KRT38: variants seen among roughly 807,000 people sequenced by gnomAD.
KRT38 encodes the protein keratin, type I cuticular Ha8.
KRT38 carries 45 observed loss-of-function variants against 43.1 expected under a neutral mutation model. The ratio of observed to expected loss-of-function variants is 1.04; its 90% confidence interval spans 0.82 to 1.34. The LOEUF is 1.34. Among genes scored for constraint, KRT38 ranks in the 40% most tolerant of loss-of-function variants. The pLI is 0.00. For synonymous variants in KRT38, 258 were observed against 244.0 expected (o/e 1.06, Z -0.53); for missense variants, 627 against 586.2 (o/e 1.07, Z -0.72).
chr17:41,438,264 G>T lies in KRT38; in HGVS notation c.1070C>A (p.Thr357Lys). 6.2e-7 allele frequency: 1 copy of T among 1,614,120 alleles called. No homozygotes were observed. The highest frequency in any genetic ancestry group is 8.5e-7 in the Non-Finnish European group (1 of 1,180,022). The change falls in exon 6 of 7, where the codon ACG becomes AAG. Residue 357 changes from threonine (T) to lysine (K), a missense_variant. Coordinates refer to ENST00000246646, the MANE Select transcript of KRT38 (RefSeq NM_006771.4). ...GAGGCTCTGCATCTGGGCCAGCTCC[G>T]TGCCGAAGCGGTCCTCGGCTTCACA... Reference protein sequence around the residue: ...SLCEAEDRFGTELAQMQSLIS... With the variant: ...SLCEAEDRFGKELAQMQSLIS...
In KRT38 at chr17:41,439,314, C is replaced by G; in HGVS notation, c.621G>C (p.Lys207Asn). The change falls in exon 3 of 7, where the codon AAG becomes AAC. Residue 207 changes from lysine (K) to asparagine (N), a missense_variant. Coordinates refer to ENST00000246646, the MANE Select transcript of KRT38 (RefSeq NM_006771.4). Reference protein sequence around the residue: ...RSLRQLVEADKCGTQKLLDDA... With the variant: ...RSLRQLVEADNCGTQKLLDDA... ...CATCCAGGAGCTTCTGTGTCCCACA[C>G]TTGTCTGCCTCCACCAGCTGGCGCA... is the stretch of plus-strand genomic sequence containing the variant. 6.2e-7 allele frequency: 1 copy of G among 1,614,216 alleles called. No homozygotes were observed. The highest frequency in any genetic ancestry group is 8.5e-7 in the Non-Finnish European group (1 of 1,180,040).
In KRT38 at chr17:41,438,157, C is replaced by A. The variant is rs564375775; in HGVS notation, c.1177G>T (p.Val393Leu). 3.1e-6 allele frequency: 5 copies of A among 1,614,046 alleles called. No individual in the cohort carries two copies. Among genetic ancestry groups the A allele is most frequent in the Non-Finnish European group, 4.2e-6 (5 of 1,180,040 alleles). ...ATCTCATTCTCCAGCCGGGTCTTCA[C>A]GTCCAGCAGCACCTGGTACTCCTGG... is the stretch of plus-strand genomic sequence containing the variant. ...QNQEYQVLLD[V>L]KTRLENEIAT... Residue 393 changes from valine (V) to leucine (L), a missense_variant, in exon 6 of 7, where the codon GTG becomes TTG. Physicochemically the swap from Val to Leu is conservative, Grantham distance 32. Transcript: ENST00000246646.
In KRT38 at chr17:41,440,927, T is replaced by C; in HGVS notation, c.-6A>G. On this transcript the variant is annotated 5_prime_UTR_variant, in exon 1 of 7. Transcript: ENST00000246646. ...CTGCTGTAGGAAGAGGTCATGGTGT[T>C]GGGCTGAGGCTGCACAGGAGCTTCA... The C allele has an allele frequency of 2.0e-6, 3 of 1,525,890 alleles. No homozygotes were observed. Among genetic ancestry groups the C allele is most frequent in the Non-Finnish European group, 2.6e-6 (3 of 1,139,530 alleles). The allele number at this position is 1,525,890 out of a possible 1,614,324, so 94.5% of individuals were successfully genotyped here.
chr17:41,437,553 C>A lies in KRT38; in HGVS notation c.1242-12G>T. ...GATTGCAGGGGAGTCTGCAGAGAGA[C>A]AAGGTGAGGGAAGTGAGAGGCAAGA... On this transcript the variant is annotated splice_polypyrimidine_tract_variant and intron_variant, in intron 6 of 6. Coordinates refer to ENST00000246646, the MANE Select transcript of KRT38 (RefSeq NM_006771.4). 1 of 1,557,718 alleles carries A rather than the reference C, an allele frequency of 6.4e-7. No homozygotes were observed. Among genetic ancestry groups the A allele is most frequent in the Non-Finnish European group, 8.6e-7 (1 of 1,160,088 alleles).
rs184262664 is a variant in KRT38 at position 41,437,604 on chromosome 17, G to T, written c.1242-63C>A. 2.8e-4 allele frequency: 416 copies of T among 1,500,484 alleles called. 5 individuals carry two copies. The East Asian group carries it at 0.01, about 38-fold the overall frequency. 92.9% of individuals were successfully genotyped at this position (1,500,484 alleles called of 1,614,324 possible). A position where few individuals can be genotyped will look rare whatever the true frequency, so the allele number is the denominator to read the frequency against. On this transcript the variant is annotated intron_variant, in intron 6 of 6. Coordinates refer to ENST00000246646, the MANE Select transcript of KRT38 (RefSeq NM_006771.4). Reference sequence around the variant, plus strand: ...AATGAATGGGGTCTCAGTGCCATGTGGGGGCATGAGGAAGGAGTCCCCACT... The same window carrying T: ...AATGAATGGGGTCTCAGTGCCATGTTGGGGCATGAGGAAGGAGTCCCCACT...
chr17:41,438,316 G>A lies in KRT38; in HGVS notation c.1021-3C>T, dbSNP rs374847106. The A allele has an allele frequency of 1.7e-5, 28 of 1,613,298 alleles. No homozygotes were observed. Among genetic ancestry groups the A allele is most frequent in the Middle Eastern group, 3.3e-4 (2 of 6,082 alleles). On this transcript the variant is annotated splice_polypyrimidine_tract_variant and splice_region_variant and intron_variant, in intron 5 of 6. Transcript: ENST00000246646. ...AGGGAGTTCTGCAGACAGTCCTTCT[G>A]TAGTGGGAAATAAGGGGATAAAATA...
intron 6 of KRT38, among the ~76,000 whole-genome samples, chr17:41,437,745 C>T (rs573929481): frequency 6.6e-6 from 1 of 152,238 alleles, no homozygotes; most frequent in East Asian, 1.9e-4. Context: ...TTAAAGTTAT[C>T]CTATAGAATA....
At chr17:41,439,927 C>T (rs546738232) in intron 2 of KRT38, among the ~76,000 whole-genome samples, 2 of 152,214 alleles carry the variant, frequency 1.3e-5, no homozygotes, top group African/African-American at 2.4e-5. Flanking sequence ...TTAATGAACT[C>T]AGGCTGCCTT....
In KRT38 at chr17:41,440,761, C is replaced by G; in HGVS notation, c.161G>C (p.Arg54Pro). 1 of 1,613,512 alleles carries G rather than the reference C, an allele frequency of 6.2e-7. No individual in the cohort carries two copies. Among genetic ancestry groups the G allele is most frequent in the Non-Finnish European group, 8.5e-7 (1 of 1,179,626 alleles). ...CAGGGGAGTGGACCCCACACGGACTCGGTTGGCATGTGCCACGTTGGCCAA... is the reference window on the plus strand; with the variant it reads ...CAGGGGAGTGGACCCCACACGGACTGGGTTGGCATGTGCCACGTTGGCCAA... ...CLLANVAHAN[R>P]VRVGSTPLGR... Residue 54 changes from arginine (R) to proline (P), a missense_variant, in exon 1 of 7, where the codon CGA (arginine) becomes CCA (proline). By Grantham distance (103) the Arg-to-Pro change is moderately radical. Coordinates refer to ENST00000246646, the MANE Select transcript of KRT38 (RefSeq NM_006771.4).
chr17:41,437,991 C>T, intron 6 of KRT38, 102 bp downstream of exon 6: 6 of 1,147,626 alleles, frequency 5.2e-6, no homozygotes, highest in Non-Finnish European at 7.6e-6. Flanking sequence ...AAGGAGTGCA[C>T]AGAGAGCCTC....
In KRT38 at chr17:41,440,827, C is replaced by A; in HGVS notation, c.95G>T (p.Cys32Phe). The change falls in exon 1 of 7, where the codon TGC (cysteine) becomes TTC (phenylalanine). Residue 32 changes from cysteine to phenylalanine, a missense_variant. Physicochemically the swap from Cys to Phe is radical, Grantham distance 205. Transcript: ENST00000246646. ...NVSVSPIDIGCQPGAEANIAP... is the reference protein window; with the variant it reads ...NVSVSPIDIGFQPGAEANIAP... ...AATGTTGGCCTCTGCCCCAGGCTGG[C>A]ACCCAATGTCGATGGGAGAGACAGA... 3 of 1,606,762 alleles carry A rather than the reference C, an allele frequency of 1.9e-6. No individual in the cohort carries two copies. Among genetic ancestry groups the A allele is most frequent in the Non-Finnish European group, 2.6e-6 (3 of 1,176,448 alleles).
At chr17:41,438,034 G>T in intron 6 of KRT38, 59 bp downstream of exon 6, 2 of 1,545,384 alleles carry the variant, frequency 1.3e-6, no homozygotes, top group Non-Finnish European at 1.8e-6. Flanking sequence ...CTGCTGCCCT[G>T]AGGACCTCAT....
Position 41,438,631 on chromosome 17 carries a change from G to A in KRT38, c.895-15C>T, listed in dbSNP as rs573817314. 166 of 1,613,600 alleles carry A rather than the reference G, an allele frequency of 1.0e-4. No homozygotes were observed. The African/African-American group carries it at 2.0e-3, about 19-fold the overall frequency. ...ATGCCTTCAGACTGGAGCACAGAGA[G>A]ACACGGTCACCTCCCTGCCCAGATG... On this transcript the variant is annotated splice_polypyrimidine_tract_variant and intron_variant, in intron 4 of 6. Coordinates refer to ENST00000246646, the MANE Select transcript of KRT38 (RefSeq NM_006771.4).
intron 6 of KRT38, 142 bp downstream of exon 6, chr17:41,437,951 G>C (rs1373591715): frequency 1.3e-6 from 1 of 759,572 alleles, no homozygotes; most frequent in Non-Finnish European, 2.2e-6. Flanking sequence ...ACCACATGGA[G>C]TGTGCAGGAC....
intron 2 of KRT38, among the ~76,000 whole-genome samples, chr17:41,439,763 C>T (rs549712305): frequency 2.6e-5 from 4 of 152,276 alleles, no homozygotes; most frequent in African/African-American, 4.8e-5. Flanking sequence ...TCCCCTCTCT[C>T]ATTTTTGCCT....
At position 41,437,531 on chromosome 17, in the gene KRT38, T is replaced by G; in HGVS notation, c.1252A>C (p.Asn418His). The change falls in exon 7 of 7, where the codon AAT (asparagine) becomes CAT (histidine). Residue 418 changes from asparagine (N) to histidine (H), a missense_variant. Physicochemically the swap from Asn to His is moderately conservative, Grantham distance 68. Transcript: ENST00000246646. ...CAGGAGGGAGACGTGGAGCACGGAT[T>G]GCAGGGGAGTCTGCAGAGAGACAAG... ...LESEDCKLPC[N>H]PCSTSPSCVT... 3.8e-6 allele frequency: 6 copies of G among 1,563,722 alleles called. No homozygotes were observed. The highest frequency in any genetic ancestry group is 5.2e-6 in the Non-Finnish European group (6 of 1,162,440).
rs200202096 is a variant in KRT38, at chr17:41,438,080, A to G, written c.1241+13T>C. Reference sequence around the variant, plus strand: ...TAAATAATTTGGCCAGGAATTGCCCAGATCACACGTACTTGCAGTCCTCGC... The same window carrying G: ...TAAATAATTTGGCCAGGAATTGCCCGGATCACACGTACTTGCAGTCCTCGC... On this transcript the variant is annotated intron_variant, in intron 6 of 6. Coordinates refer to ENST00000246646, the MANE Select transcript of KRT38 (RefSeq NM_006771.4). The G allele has an allele frequency of 2.3e-5, 37 of 1,613,278 alleles. No homozygotes were observed. The highest frequency in any genetic ancestry group is 3.3e-4 in the Middle Eastern group (2 of 5,992).
At chr17:41,439,181 G>T (rs1449938496) in intron 3 of KRT38, 22 bp downstream of exon 3, 3 of 1,610,028 alleles carry the variant, frequency 1.9e-6, no homozygotes, top group Admixed American at 3.4e-5. Flanking sequence ...CTCCCCAGGA[G>T]TTTGAGCGCC....
At chr17:41,440,058 T>C in intron 2 of KRT38, 103 bp downstream of exon 2, 1 of 965,870 alleles carries the variant, frequency 1.0e-6, no homozygotes, top group Non-Finnish European at 1.6e-6. Flanking sequence ...GTAGAGAATC[T>C]AGCAAGGAAG....
Sources: gnomAD v4.1 joint callset for allele counts (sites outside exome capture counted in the v4.1 genomes callset) on GRCh38, gnomAD v4.1.1 for gene constraint, MANE v1.5 for transcripts, NCBI Gene and HGNC (gene_info 2026-07-23, HGNC 2026-07-21) for gene names.